Variants in VTI1A observed in about 807,000 individuals in gnomAD.
The protein encoded by VTI1A is vesicle transport through interaction with t-SNAREs 1A.
In VTI1A, 22 loss-of-function variants were observed where a neutral mutation model predicts 34.9. The ratio of observed to expected loss-of-function variants is 0.63; its 90% CI spans 0.45 to 0.90. The LOEUF (loss-of-function observed/expected upper bound fraction) is 0.90. Among genes scored for constraint, VTI1A ranks in the 40% least tolerant of loss-of-function variants. The pLI is 0.00. For missense variants in VTI1A, 268 were observed against 275.6 expected (o/e 0.97, Z 0.20); for synonymous variants, 87 against 97.3 (o/e 0.89, Z 0.62).
intron 7 of VTI1A, among the ~76,000 whole-genome samples, chr10:112,758,514 A>T (rs1851360379): frequency 6.6e-6 from 1 of 152,234 alleles, no homozygotes; most frequent in Non-Finnish European, 1.5e-5. Flanking sequence ...ATGCACCCCA[A>T]AGTGATTCCA....
chr10:112,744,677 T>C (rs1850827654), intron 7 of VTI1A, among the ~76,000 whole-genome samples: 1 of 152,090 alleles, frequency 6.6e-6, no homozygotes, highest in Non-Finnish European at 1.5e-5. Flanking sequence ...ACTCCTGGGT[T>C]TAAGCAATCC....
chr10:112,619,000 G>A (rs921920857), intron 5 of VTI1A, among the ~76,000 whole-genome samples: 1 of 150,836 alleles, frequency 6.6e-6, no homozygotes, highest in African/African-American at 2.4e-5. Context: ...TGATGTCTGG[G>A]AGAATCTCCA....
intron 5 of VTI1A, among the ~76,000 whole-genome samples, chr10:112,552,107 A>G (rs1851382136): frequency 6.6e-6 from 1 of 152,200 alleles, no homozygotes; most frequent in Non-Finnish European, 1.5e-5. Flanking sequence ...AAAAATAACA[A>G]TGGTAACACA....
chr10:112,489,398 C>T (rs938108092), intron 3 of VTI1A, among the ~76,000 whole-genome samples: 2 of 152,142 alleles, frequency 1.3e-5, no homozygotes, highest in Admixed American at 6.6e-5. Context: ...CTTCCCCCAA[C>T]CCCCCATTCT....
At chr10:112,557,215 A>G (rs756341894) in intron 5 of VTI1A, among the ~76,000 whole-genome samples, 17 of 152,084 alleles carry the variant, frequency 1.1e-4, no homozygotes, top group Non-Finnish European at 1.3e-4. Context: ...AAATTTGTCA[A>G]CATTTCAATA....
At chr10:112,477,063 G>A (rs1271819116) in intron 3 of VTI1A, among the ~76,000 whole-genome samples, 1 of 152,182 alleles carries the variant, frequency 6.6e-6, no homozygotes, top group Non-Finnish European at 1.5e-5. Flanking sequence ...ATTGGGACTA[G>A]AATAGATTTT....
intron 5 of VTI1A, among the ~76,000 whole-genome samples, chr10:112,611,890 T>C (rs1961513): frequency 0.79 from 119,731 of 151,526 alleles, 48,267 homozygotes; most frequent in African/African-American, 0.93. Context: ...TACAGGCGCC[T>C]GCCACCATGC....
At chr10:112,586,096 CT>C (rs1172130485) in intron 5 of VTI1A, among the ~76,000 whole-genome samples, 1 of 150,794 alleles carries the variant, frequency 6.6e-6, no homozygotes, top group African/African-American at 2.4e-5. Flanking sequence ...TCTAACACGA[CT>C]TTGCTCTTTA....
At chr10:112,720,663 TATTTTAG>T (rs1332051323) in intron 7 of VTI1A, among the ~76,000 whole-genome samples, 4 of 152,228 alleles carry the variant, frequency 2.6e-5, no homozygotes, top group Admixed American at 2.6e-4. Context: ...ACCATGGTAG[TATTTTAG>T]ATTAGGCGAT....
intron 7 of VTI1A, among the ~76,000 whole-genome samples, chr10:112,706,006 T>A (rs550723405): frequency 2.0e-5 from 3 of 152,310 alleles, no homozygotes; most frequent in Non-Finnish European, 4.4e-5. Flanking sequence ...CATTCATCAA[T>A]CTTCCATCTT....
At chr10:112,545,814 A>C (rs1005024181) in intron 5 of VTI1A, among the ~76,000 whole-genome samples, 1 of 151,740 alleles carries the variant, frequency 6.6e-6, no homozygotes, top group Non-Finnish European at 1.5e-5. Context: ...ATTTCATTGA[A>C]TCTCGTGTGT....
intron 7 of VTI1A, among the ~76,000 whole-genome samples, chr10:112,761,057 C>G (rs1031703704): frequency 1.3e-5 from 2 of 152,216 alleles, no homozygotes; most frequent in South Asian, 2.1e-4. Flanking sequence ...GAGCATTTAA[C>G]TTTTTTTATT....
chr10:112,563,467 CGCATACTTG>C lies in VTI1A; in HGVS notation c.427+25141_427+25149del, dbSNP rs1851800711. ...TAGCCTTTCAGTGCTGTAACCTTAT[CGCATACTTG>C]GCAATAGACCAAATGTTCTTCCCAT... On this transcript the variant is annotated intron_variant, in intron 5 of 7. Coordinates refer to ENST00000393077, the MANE Select transcript of VTI1A (RefSeq NM_145206.4). Among the ~76,000 whole-genome samples, 11 of 152,256 alleles carry C rather than the reference CGCATACTTG, an allele frequency of 7.2e-5. 1 individual carries two copies. The South Asian group carries it at 2.3e-3, about 32-fold the overall frequency.
the VTI1A span, among the ~76,000 whole-genome samples, chr10:112,838,792 C>G: frequency 6.6e-6 from 1 of 152,224 alleles, no homozygotes; most frequent in East Asian, 1.9e-4. Context: ...GTTGTCAGAT[C>G]TGGGTGAAAT....
rs148270775 is a variant in VTI1A, at chr10:112,700,195, A to G, written c.560+31197A>G. 3.0e-3 allele frequency among the ~76,000 whole-genome samples: 456 copies of G among 152,076 alleles called. 2 individuals carry two copies. The highest frequency in any genetic ancestry group is 5.5e-3 in the Non-Finnish European group (371 of 67,974). On this transcript the variant is annotated intron_variant, in intron 7 of 7. Transcript: ENST00000393077. Reference sequence around the variant, plus strand: ...CATTATCCCCATCTTACAGATAGACATGCTAAGACCCAGATATCTTAAGAA... The same window carrying G: ...CATTATCCCCATCTTACAGATAGACGTGCTAAGACCCAGATATCTTAAGAA...
intron 3 of VTI1A, among the ~76,000 whole-genome samples, chr10:112,473,779 C>A (rs1041542794): frequency 6.6e-6 from 1 of 152,074 alleles, no homozygotes; most frequent in African/African-American, 2.4e-5. Context: ...CTTAGGTAGA[C>A]CAGGACTAAG....
At chr10:112,616,247 C>A (rs1355523539) in intron 5 of VTI1A, among the ~76,000 whole-genome samples, 1 of 152,094 alleles carries the variant, frequency 6.6e-6, no homozygotes. Context: ...ACCAGCACTG[C>A]AATCAGGAAT....
chr10:112,544,154 C>A (rs1190881638), intron 5 of VTI1A, among the ~76,000 whole-genome samples: 1 of 152,156 alleles, frequency 6.6e-6, no homozygotes, highest in Non-Finnish European at 1.5e-5. Context: ...ATTGTCTTGG[C>A]AATGCGGGCT....
chr10:112,792,980 G>A (rs1852539357), intron 7 of VTI1A, among the ~76,000 whole-genome samples: 1 of 152,200 alleles, frequency 6.6e-6, no homozygotes, highest in Admixed American at 6.5e-5. Context: ...TCAAAAGCCT[G>A]TGATGCACTC....
Sources: gnomAD v4.1 joint callset for allele counts (sites outside exome capture counted in the v4.1 genomes callset) on GRCh38, gnomAD v4.1.1 for gene constraint, MANE v1.5 for transcripts, NCBI Gene and HGNC (gene_info 2026-07-23, HGNC 2026-07-21) for gene names.